The following USP25 variants were observed in gnomAD, a reference collection of about 807,000 sequenced individuals.
The protein encoded by USP25 is ubiquitin carboxyl-terminal hydrolase 25.
In USP25, 85 loss-of-function variants were observed where a neutral mutation model predicts 158.5. That is an observed-to-expected ratio of 0.54 (90% CI 0.45 to 0.64). The LOEUF (loss-of-function observed/expected upper bound fraction) is 0.64. Ranked by LOEUF, USP25 falls within the 30% of genes least tolerant of loss-of-function variation. The pLI, the probability that USP25 is intolerant of heterozygous loss-of-function variation, is 0.00. For synonymous variants in USP25, 464 were observed against 460.4 expected, an observed-to-expected ratio of 1.01 and a Z score of -0.10; for missense variants, 1,242 against 1,327.3, an observed-to-expected ratio of 0.94 and a Z score of 1.00.
intron 10 of USP25, among the ~76,000 whole-genome samples, chr21:15,820,126 A>C (rs969753560): frequency 2.0e-5 from 3 of 152,090 alleles, no homozygotes; most frequent in Non-Finnish European, 4.4e-5. Flanking sequence ...CAGATCTCTT[A>C]AGAGTGGGAC....
chr21:15,798,423 C>G (rs1048169641), intron 5 of USP25, among the ~76,000 whole-genome samples: 1 of 151,210 alleles, frequency 6.6e-6, no homozygotes, highest in African/African-American at 2.4e-5. Context: ...ATTCCTTTCT[C>G]TTTTTCAAAA....
intron 4 of USP25, among the ~76,000 whole-genome samples, chr21:15,786,971 G>A (rs547781172): frequency 4.6e-5 from 7 of 152,014 alleles, no homozygotes; most frequent in Admixed American, 4.6e-4. Context: ...TATGCTAACG[G>A]TGAGTTATTT....
At chr21:15,757,065 C>T (rs1303521930) in intron 1 of USP25, among the ~76,000 whole-genome samples, 2 of 152,082 alleles carry the variant, frequency 1.3e-5, no homozygotes, top group South Asian at 2.1e-4. Flanking sequence ...AGGTACAAAC[C>T]TTGAAAAACA....
intron 9 of USP25, among the ~76,000 whole-genome samples, chr21:15,818,164 T>A (rs932690566): frequency 6.6e-6 from 1 of 152,190 alleles, no homozygotes; most frequent in African/African-American, 2.4e-5. Context: ...AGCTTAAATG[T>A]CCTTTGCCAT....
intron 20 of USP25, among the ~76,000 whole-genome samples, chr21:15,864,057 A>G (rs1049687137): frequency 4.1e-5 from 6 of 146,288 alleles, no homozygotes; most frequent in African/African-American, 1.5e-4. Flanking sequence ...TTTTTTTAAA[A>G]GAAGGGCCTT....
At chr21:15,762,141 C>G (rs971624104) in intron 1 of USP25, among the ~76,000 whole-genome samples, 1 of 151,842 alleles carries the variant, frequency 6.6e-6, no homozygotes, top group Non-Finnish European at 1.5e-5. Context: ...AAAAAGATTT[C>G]AATAGATCCT....
At chr21:15,809,359 C>G (rs1209547051) in intron 8 of USP25, among the ~76,000 whole-genome samples, 1 of 152,088 alleles carries the variant, frequency 6.6e-6, no homozygotes, top group Admixed American at 6.5e-5. Context: ...AGGTGACACA[C>G]ATCACTTCTG....
intron 1 of USP25, among the ~76,000 whole-genome samples, chr21:15,736,049 T>A (rs1175209789): frequency 2.6e-5 from 4 of 152,004 alleles, no homozygotes; most frequent in African/African-American, 4.8e-5. Context: ...CCATTTTTTT[T>A]ATCCCTGCTT....
At chr21:15,822,876 T>C (rs938240117) in intron 10 of USP25, among the ~76,000 whole-genome samples, 1 of 152,054 alleles carries the variant, frequency 6.6e-6, no homozygotes, top group Non-Finnish European at 1.5e-5. Flanking sequence ...CCTTAAACTT[T>C]AGCTTTCAGT....
At position 15,831,532 on chromosome 21, in the gene USP25, A is replaced by G. The variant is rs1165293777; in HGVS notation, c.1896A>G (p.Ser632=). Residue 632 remains serine (S), a synonymous_variant, in exon 16 of 26, where the codon TCA becomes TCG. Transcript: ENST00000400183. ...KYNDIAVTKS[S]WEELVRDSFG... The stretch of plus-strand genomic sequence containing the variant: ...ATGATATTGCTGTGACAAAATCATC[A>G]TGGGAAGAGCTAGTGAGGGACTCTT... The G allele has an allele frequency of 6.2e-7, 1 of 1,614,106 alleles. No individual in the cohort carries two copies. Among genetic ancestry groups the G allele is most frequent in the Non-Finnish European group, 8.5e-7 (1 of 1,179,962 alleles).
chr21:15,872,436 C>T (rs543459018), intron 23 of USP25, among the ~76,000 whole-genome samples: 1 of 152,268 alleles, frequency 6.6e-6, no homozygotes, highest in South Asian at 2.1e-4. Flanking sequence ...GTCTAGAAAG[C>T]CAGATGTCAG....
At chr21:15,804,579 G>A (rs542667252) in intron 6 of USP25, among the ~76,000 whole-genome samples, 316 of 151,944 alleles carry the variant, frequency 2.1e-3, no homozygotes, top group South Asian at 8.1e-3. Flanking sequence ...AGTGACAGTC[G>A]GTGATTCATT....
At chr21:15,810,099 C>T (rs936011858) in intron 8 of USP25, among the ~76,000 whole-genome samples, 2 of 152,028 alleles carry the variant, frequency 1.3e-5, no homozygotes, top group Admixed American at 6.6e-5. Context: ...CTTAACATTA[C>T]CGAACTGTAC....
Position 15,770,221 on chromosome 21 carries a change from TC to T in USP25, c.268+4083del, listed in dbSNP as rs561472450. Among the ~76,000 whole-genome samples, 3 of 152,268 alleles carry T rather than the reference TC, an allele frequency of 2.0e-5. No individual in the cohort carries two copies. In the East Asian group the frequency reaches 5.8e-4, roughly 29 times the overall value. On this transcript the variant is annotated intron_variant, in intron 3 of 25. Transcript: ENST00000400183. ...CCATTGCCCAAGTAACTTCAGTTTT[TC>T]CCTAGAAATTTCTAATATGTAAAAC...
intron 20 of USP25, among the ~76,000 whole-genome samples, chr21:15,853,064 G>A (rs1329484592): frequency 1.3e-5 from 2 of 152,160 alleles, no homozygotes; most frequent in African/African-American, 2.4e-5. Flanking sequence ...GACAGTCTCT[G>A]CCACTGCCAT....
chr21:15,787,100 G>A (rs1490878303), intron 4 of USP25, among the ~76,000 whole-genome samples: 1 of 152,016 alleles, frequency 6.6e-6, no homozygotes, highest in African/African-American at 2.4e-5. Flanking sequence ...ATTGAGGAAA[G>A]AAATATAAGA....
Position 15,878,709 on chromosome 21 carries a change from AT to A in USP25, c.*238del. On this transcript the variant is annotated 3_prime_UTR_variant, in exon 26 of 26. Transcript: ENST00000400183. ...TGATGTATAATCACAAATCTAATTG[AT>A]TTTATTATGGCAAAACTATGCTTTT... 1 of 407,172 alleles carries A rather than the reference AT, an allele frequency of 2.5e-6. No individual in the cohort carries two copies. 25.2% of individuals were successfully genotyped at this position (407,172 alleles called of 1,614,324 possible).
At chr21:15,860,573 T>C (rs2039382190) in intron 20 of USP25, among the ~76,000 whole-genome samples, 1 of 152,146 alleles carries the variant, frequency 6.6e-6, no homozygotes, top group Non-Finnish European at 1.5e-5. Flanking sequence ...ATTTTCTAAG[T>C]ATTTAGGTTG....
intron 6 of USP25, 46 bp downstream of exon 6, chr21:15,799,889 T>C (rs772084200): frequency 1.5e-6 from 2 of 1,326,444 alleles, no homozygotes; most frequent in South Asian, 2.9e-5. Context: ...ACTCTATATG[T>C]TCTCTTATAT....
Sources: allele counts gnomAD v4.1 joint callset (sites outside exome capture counted in the v4.1 genomes callset), GRCh38; gene constraint gnomAD v4.1.1; transcripts MANE v1.5; gene names NCBI Gene and HGNC (gene_info 2026-07-23, HGNC 2026-07-21).